The following MAGEA11 variants were observed in gnomAD, a reference collection of about 807,000 sequenced individuals.
MAGEA11 encodes melanoma-associated antigen 11.
In MAGEA11, 1 loss-of-function variant was observed where a neutral mutation model predicts 8.4. That is an observed-to-expected ratio of 0.12 (90% CI 0.04 to 0.57). The LOEUF (loss-of-function observed/expected upper bound fraction) is 0.57. Among genes scored for constraint, MAGEA11 ranks in the 20% least tolerant of loss-of-function variants. MAGEA11 has a pLI of 0.91. For synonymous variants in MAGEA11, 127 were observed against 119.3 expected, an observed-to-expected ratio of 1.06 and a Z score of -0.42; for missense variants, 209 against 317.3, an observed-to-expected ratio of 0.66 and a Z score of 2.59.
chrX:149,706,189 G>A (rs2090376376), intron 1 of MAGEA11, among the ~76,000 whole-genome samples: 1 of 111,778 alleles, frequency 8.9e-6, no homozygotes, highest in South Asian at 3.8e-4. Flanking sequence ...ATGCCCTTTG[G>A]TAACAAGAAA....
chrX:149,710,686 T>C (rs1408431490), upstream of MAGEA11, among the ~76,000 whole-genome samples: 3 of 109,049 alleles, frequency 2.8e-5, no homozygotes, highest in Non-Finnish European at 5.7e-5. Flanking sequence ...TGTTATGTAG[T>C]TCAGATTAAT....
chrX:149,695,205 G>T (rs1271469687), intron 1 of MAGEA11, among the ~76,000 whole-genome samples: 1 of 111,348 alleles, frequency 9.0e-6, no homozygotes, highest in African/African-American at 3.3e-5. Flanking sequence ...TCTTGAAATT[G>T]TCTCATTTTT....
intron 1 of MAGEA11, among the ~76,000 whole-genome samples, chrX:149,693,806 T>C (rs1489242069): frequency 7.1e-5 from 8 of 112,258 alleles, no homozygotes; most frequent in Non-Finnish European, 1.3e-4. Context: ...CATAATAATG[T>C]AATCATACAA....
Position 149,712,483 on chromosome X carries a change from G to T in MAGEA11, c.-18+321G>T, listed in dbSNP as rs73606291. ...TGCAGACAACGCAAAGGACCTCCGG[G>T]CTTGGTACTGCGGAGTTGCACATTA... On this transcript the variant is annotated intron_variant, in intron 1 of 4. Transcript: ENST00000355220. 5.6e-3 allele frequency among the ~76,000 whole-genome samples: 631 copies of T among 112,093 alleles called. 5 individuals carry two copies. Among genetic ancestry groups the T allele is most frequent in the African/African-American group, 0.02 (619 of 30,846 alleles).
chrX:149,697,197 A>C (rs1310280972), intron 1 of MAGEA11, among the ~76,000 whole-genome samples: 2 of 109,854 alleles, frequency 1.8e-5, no homozygotes, highest in African/African-American at 6.7e-5. Flanking sequence ...CCCTCTCCCT[A>C]TTCAACACCC....
At chrX:149,700,168 T>C (rs2090346132) in intron 1 of MAGEA11, among the ~76,000 whole-genome samples, 1 of 112,566 alleles carries the variant, frequency 8.9e-6, no homozygotes, top group African/African-American at 3.2e-5. Flanking sequence ...TGGAATTTAA[T>C]GTTTATTATA....
At chrX:149,707,374 C>T (rs59607988), upstream of MAGEA11, among the ~76,000 whole-genome samples, 2,311 of 111,619 alleles carry the variant, frequency 0.021, 67 homozygotes, top group African/African-American at 0.072. Flanking sequence ...CTTAAAGGTG[C>T]AGTAGATTTA....
chrX:149,702,560 A>T (rs1218173090), intron 1 of MAGEA11, among the ~76,000 whole-genome samples: 4 of 110,825 alleles, frequency 3.6e-5, no homozygotes, highest in Admixed American at 9.7e-5. Flanking sequence ...ATGTATTTAG[A>T]TGTATACATC....
chrX:149,695,558 T>C (rs1225054910), intron 1 of MAGEA11, among the ~76,000 whole-genome samples: 1 of 111,968 alleles, frequency 8.9e-6, no homozygotes, highest in African/African-American at 3.2e-5. Context: ...TACCACCATA[T>C]AATGACAAAC....
At chrX:149,711,889 A>T, upstream of MAGEA11, 1 of 612,340 alleles carries the variant, frequency 1.6e-6, no homozygotes, top group Non-Finnish European at 2.0e-6. Context: ...ATGACCCTCG[A>T]CCACATCTGC....
chrX:149,699,123 A>T (rs782696104), intron 1 of MAGEA11, among the ~76,000 whole-genome samples: 1 of 111,703 alleles, frequency 9.0e-6, no homozygotes, highest in African/African-American at 3.3e-5. Context: ...CTTTTAGTGA[A>T]TTTTTTGTGG....
chrX:149,697,828 G>A (rs1415355307), intron 1 of MAGEA11, among the ~76,000 whole-genome samples: 1 of 111,538 alleles, frequency 9.0e-6, no homozygotes, highest in Middle Eastern at 4.2e-3. Context: ...GGTGGTATTG[G>A]GCCTGCAGGT....
At position 149,716,714 on chromosome X, in the gene MAGEA11, G is replaced by A. The variant is rs1557362563; in HGVS notation, c.1228G>A (p.Asp410Asn). 1 of 1,209,532 alleles carries A rather than the reference G, an allele frequency of 8.3e-7. No individual in the cohort carries two copies. Reference protein sequence around the residue: ...LEYIANANGRDPTSYPSLYED... With the variant: ...LEYIANANGRNPTSYPSLYED... ...GTACATAGCCAATGCCAATGGGAGG[G>A]ATCCCACTTCTTACCCATCCCTGTA... The change falls in exon 5 of 5, where the codon GAT (aspartate) becomes AAT (asparagine). Residue 410 changes from aspartate (D) to asparagine (N), a missense_variant. Physicochemically the swap from Asp to Asn is conservative, Grantham distance 23 (BLOSUM62 1). Coordinates refer to ENST00000355220, the MANE Select transcript of MAGEA11 (RefSeq NM_005366.5).
At chrX:149,695,744 G>C (rs1408870887) in intron 1 of MAGEA11, among the ~76,000 whole-genome samples, 1 of 112,402 alleles carries the variant, frequency 8.9e-6, no homozygotes, top group African/African-American at 3.2e-5. Flanking sequence ...TGACAATAAT[G>C]TGTTGACAAG....
rs1306621012 is a variant in MAGEA11, at chrX:149,713,077, C to T, written c.-17-66C>T. On this transcript the variant is annotated intron_variant, in intron 1 of 4. Transcript: ENST00000355220. ...AGGCCTGAGGGACAACTGAAGGGAC[C>T]CAGCACCCCAGAACAGCCCCCCCCC... The T allele has an allele frequency of 7.2e-6, 5 of 694,708 alleles. No homozygotes were observed. The Admixed American group carries it at 7.7e-5, about 11-fold the overall frequency. The allele number at this position is 694,708 out of a possible 1,213,427, so 57.3% of individuals were successfully genotyped here. A position where few individuals can be genotyped will look rare whatever the true frequency, so the allele number is the denominator to read the frequency against.
chrX:149,693,613 G>A (rs1415630046), intron 1 of MAGEA11, among the ~76,000 whole-genome samples: 1 of 112,003 alleles, frequency 8.9e-6, no homozygotes, highest in Non-Finnish European at 1.9e-5. Context: ...TCAAAAGTAT[G>A]ATTCCATCAT....
At chrX:149,706,285 C>A (rs2090376888) in intron 1 of MAGEA11, among the ~76,000 whole-genome samples, 1 of 111,873 alleles carries the variant, frequency 8.9e-6, no homozygotes, top group Admixed American at 9.4e-5. Flanking sequence ...TGACCACAGA[C>A]CTCACAGTGG....
Position 149,702,741 on chromosome X carries a change from T to G in MAGEA11, c.10-11740T>G, listed in dbSNP as rs782591581. Among the ~76,000 whole-genome samples the G allele has an allele frequency of 5.4e-5, 6 of 111,498 alleles. No individual in the cohort carries two copies. The South Asian group carries it at 1.5e-3, about 28-fold the overall frequency. On this transcript the variant is annotated intron_variant, in intron 1 of 3. Transcript: ENST00000333104. ...ATTTACTCTTTATATTACATATGTA[T>G]TTTTCCTTCTTTATATTTTCAATGC...
chrX:149,692,541 T>C (rs782360234), intron 1 of MAGEA11, among the ~76,000 whole-genome samples: 3 of 111,988 alleles, frequency 2.7e-5, no homozygotes, highest in Non-Finnish European at 3.8e-5. Context: ...CCATTTGTAT[T>C]GAGTAAAGTT....
Sources: allele counts gnomAD v4.1 joint callset (sites outside exome capture counted in the v4.1 genomes callset), GRCh38; gene constraint gnomAD v4.1.1; transcripts MANE v1.5; gene names NCBI Gene and HGNC (gene_info 2026-07-23, HGNC 2026-07-21).